Variants in BRINP1 observed in about 807,000 individuals in gnomAD.
BRINP1 encodes the protein BMP/retinoic acid inducible neural specific 1.
In BRINP1, 17 loss-of-function variants were observed where a neutral mutation model predicts 72.9. The ratio of observed to expected loss-of-function variants is 0.23; its 90% CI spans 0.16 to 0.35. The LOEUF (loss-of-function observed/expected upper bound fraction) is 0.35. Ranked by LOEUF, BRINP1 falls within the 10% of genes least tolerant of loss-of-function variation. The pLI, the probability that BRINP1 is intolerant of heterozygous loss-of-function variation, is 1.00. For synonymous variants in BRINP1, 418 were observed against 378.5 expected (o/e 1.10, Z -1.21); for missense variants, 850 against 1,001.6 (o/e 0.85, Z 2.04).
At chr9:119,308,688 CA>C (rs1267903537) in intron 2 of BRINP1, among the ~76,000 whole-genome samples, 1 of 152,098 alleles carries the variant, frequency 6.6e-6, no homozygotes, top group Non-Finnish European at 1.5e-5. Context: ...GCAATACAGC[CA>C]GGCAATTAGA....
intron 1 of BRINP1, among the ~76,000 whole-genome samples, chr9:119,319,485 C>CATATGTTACCCAT (rs1379522918): frequency 6.6e-6 from 1 of 152,160 alleles, no homozygotes; most frequent in Non-Finnish European, 1.5e-5. Context: ...AGGATGAGTA[C>CATATGTTACCCAT]ATATGTTACC....
chr9:119,213,127 A>G (rs1829946387), intron 6 of BRINP1, among the ~76,000 whole-genome samples: 1 of 152,052 alleles, frequency 6.6e-6, no homozygotes, highest in Non-Finnish European at 1.5e-5. Context: ...ATAGTCAGAT[A>G]CTTCCATTTC....
chr9:119,185,537 A>C (rs146045434), intron 7 of BRINP1, among the ~76,000 whole-genome samples: 14 of 152,360 alleles, frequency 9.2e-5, no homozygotes, highest in Middle Eastern at 3.4e-3. Flanking sequence ...AACACAAAAA[A>C]GGACCAAAAC....
At chr9:119,268,463 C>T (rs1830576525) in intron 2 of BRINP1, among the ~76,000 whole-genome samples, 1 of 152,074 alleles carries the variant, frequency 6.6e-6, no homozygotes, top group South Asian at 2.1e-4. Context: ...ACTCTCATAC[C>T]TTCATAGCTT....
intron 7 of BRINP1, among the ~76,000 whole-genome samples, chr9:119,183,463 TGGG>T (rs1188553028): frequency 6.6e-6 from 1 of 151,988 alleles, no homozygotes; most frequent in African/African-American, 2.4e-5. Context: ...ATAATTCCCT[TGGG>T]GAGAAGGTTG....
At chr9:119,238,103 A>G (rs1337407859) in intron 5 of BRINP1, among the ~76,000 whole-genome samples, 3 of 152,226 alleles carry the variant, frequency 2.0e-5, no homozygotes, top group Non-Finnish European at 4.4e-5. Flanking sequence ...ATTATGTTGT[A>G]TTAATGCAAT....
intron 1 of BRINP1, among the ~76,000 whole-genome samples, chr9:119,327,461 G>T (rs1199748920): frequency 6.6e-6 from 1 of 152,182 alleles, no homozygotes; most frequent in African/African-American, 2.4e-5. Context: ...CAAATTGAGA[G>T]CTAGGATTCA....
chr9:119,342,203 T>C (rs980668569), intron 1 of BRINP1, among the ~76,000 whole-genome samples: 1 of 152,208 alleles, frequency 6.6e-6, no homozygotes, highest in African/African-American at 2.4e-5. Context: ...TATTTACTCA[T>C]ACAGTTACCC....
chr9:119,307,017 T>C (rs1831004033), intron 2 of BRINP1, among the ~76,000 whole-genome samples: 1 of 151,930 alleles, frequency 6.6e-6, no homozygotes, highest in African/African-American at 2.4e-5. Context: ...TCCCCAGAAA[T>C]GCTAGAGCAG....
intron 2 of BRINP1, among the ~76,000 whole-genome samples, chr9:119,251,631 G>A (rs1165982688): frequency 6.6e-6 from 1 of 151,824 alleles, no homozygotes; most frequent in South Asian, 2.1e-4. Flanking sequence ...CTAACCATGG[G>A]GAGGAAAAGT....
In BRINP1 at chr9:119,167,271, C is replaced by T. The variant is rs527860111; in HGVS notation, c.2099G>A (p.Arg700Gln). 17 of 1,614,006 alleles carry T rather than the reference C, an allele frequency of 1.1e-5. No individual in the cohort carries two copies. Among genetic ancestry groups the T allele is most frequent in the Admixed American group, 3.3e-5 (2 of 59,994 alleles). Residue 700 changes from arginine (R) to glutamine (Q), a missense_variant, in exon 8 of 8, where the codon CGG becomes CAG. By Grantham distance (43) the Arg-to-Gln change is conservative (BLOSUM62 1). Coordinates refer to ENST00000265922, the MANE Select transcript of BRINP1 (RefSeq NM_014618.3). The surrounding 1 kb of genome is among the most constrained non-coding windows in gnomAD (Gnocchi z 4.3). The stretch of plus-strand genomic sequence containing the variant: ...AGGGGCCAGGCGATTAATTCGGTCC[C>T]GAATATCCAACAAGAGGAGCATCAC... Reference protein sequence around the residue: ...SSVMLLLLDIRDRINRLAPPV... With the variant: ...SSVMLLLLDIQDRINRLAPPV...
At chr9:119,193,426 G>A (rs1190832728) in intron 7 of BRINP1, among the ~76,000 whole-genome samples, 1 of 152,138 alleles carries the variant, frequency 6.6e-6, no homozygotes, top group Non-Finnish European at 1.5e-5. Flanking sequence ...TGGTTACTCT[G>A]CTTGTAGGGA....
chr9:119,275,898 C>T (rs372633210), intron 2 of BRINP1, among the ~76,000 whole-genome samples: 19 of 152,206 alleles, frequency 1.2e-4, no homozygotes, highest in African/African-American at 2.6e-4. Context: ...CAGTAAAGAG[C>T]GAAATCCTCC....
chr9:119,200,177 G>A (rs1317555622), intron 7 of BRINP1, among the ~76,000 whole-genome samples: 1 of 152,200 alleles, frequency 6.6e-6, no homozygotes, highest in Admixed American at 6.5e-5. Context: ...ATCTATGTGT[G>A]CATTCATTGA....
chr9:119,269,136 T>C, intron 2 of BRINP1, among the ~76,000 whole-genome samples: 1 of 152,200 alleles, frequency 6.6e-6, no homozygotes, highest in Admixed American at 6.5e-5. Flanking sequence ...ACAGAGGTGC[T>C]CATAAGTGGT....
chr9:119,177,958 G>A (rs1260376129), intron 7 of BRINP1, among the ~76,000 whole-genome samples: 1 of 152,144 alleles, frequency 6.6e-6, no homozygotes, highest in Non-Finnish European at 1.5e-5. Flanking sequence ...CAGGGAGCAC[G>A]AGGCTGAGGG....
At chr9:119,221,575 G>A (rs1035777868) in intron 5 of BRINP1, among the ~76,000 whole-genome samples, 2 of 152,168 alleles carry the variant, frequency 1.3e-5, no homozygotes, top group Non-Finnish European at 2.9e-5. Flanking sequence ...TCCATGATGG[G>A]TCATTTACAC....
chr9:119,281,803 T>C (rs556230505), intron 2 of BRINP1, among the ~76,000 whole-genome samples: 16 of 152,190 alleles, frequency 1.1e-4, no homozygotes, highest in Non-Finnish European at 2.2e-4. Flanking sequence ...TATATCATGG[T>C]TTTTTTCCAG....
At chr9:119,188,418 C>T (rs531414098) in intron 7 of BRINP1, among the ~76,000 whole-genome samples, 1 of 152,204 alleles carries the variant, frequency 6.6e-6, no homozygotes, top group Admixed American at 6.5e-5. Context: ...TAAAGTCTTT[C>T]CCAGACAAAG....
Sources: allele counts gnomAD v4.1 joint callset (sites outside exome capture counted in the v4.1 genomes callset), GRCh38; gene constraint gnomAD v4.1.1; non-coding constraint Gnocchi (gnomAD v3.1); transcripts MANE v1.5; gene names NCBI Gene and HGNC (gene_info 2026-07-23, HGNC 2026-07-21).